BMPR1B: variants seen among roughly 807,000 people sequenced by gnomAD.
BMPR1B encodes the protein bone morphogenetic protein receptor type 1B.
A neutral mutation model predicts 59.1 loss-of-function variants in BMPR1B; 12 were observed. The ratio of observed to expected loss-of-function variants is 0.20; its 90% CI spans 0.13 to 0.33. The LOEUF (loss-of-function observed/expected upper bound fraction) is 0.33, where lower values mean the gene tolerates loss of function less well. Ranked by LOEUF, BMPR1B falls within the 10% of genes least tolerant of loss-of-function variation. The pLI, the probability that BMPR1B is intolerant of heterozygous loss-of-function variation, is 1.00. For synonymous variants in BMPR1B, 237 were observed against 207.3 expected (o/e 1.14, Z -1.23); for missense variants, 550 against 610.9 (o/e 0.90, Z 1.05).
At chr4:95,138,604 T>C (rs1187620248) in intron 10 of BMPR1B, among the ~76,000 whole-genome samples, 2 of 152,306 alleles carry the variant, frequency 1.3e-5, no homozygotes, top group East Asian at 3.9e-4. Flanking sequence ...GTTTGTTCAT[T>C]ACTTTTTACT....
At chr4:94,888,324 T>C (rs1375113448) in intron 2 of BMPR1B, among the ~76,000 whole-genome samples, 1 of 151,814 alleles carries the variant, frequency 6.6e-6, no homozygotes, top group East Asian at 1.9e-4. Context: ...TAAATATGCA[T>C]TATAAGACTA....
chr4:95,107,454 GAAGA>G (rs1374351751), intron 4 of BMPR1B, among the ~76,000 whole-genome samples: 4 of 151,868 alleles, frequency 2.6e-5, no homozygotes, highest in Non-Finnish European at 5.9e-5. Context: ...CAAAAATACA[GAAGA>G]AAGAAAAACA....
chr4:94,883,649 G>A (rs902838644), intron 2 of BMPR1B, among the ~76,000 whole-genome samples: 6 of 151,880 alleles, frequency 4.0e-5, no homozygotes, highest in African/African-American at 1.5e-4. Context: ...AATATATTCT[G>A]TAATACATAT....
At chr4:95,113,228 C>A (rs557985822) in intron 4 of BMPR1B, among the ~76,000 whole-genome samples, 1 of 152,134 alleles carries the variant, frequency 6.6e-6, no homozygotes, top group Non-Finnish European at 1.5e-5. Flanking sequence ...ATGGGCTGTT[C>A]AGAGACAGTC....
At position 95,088,829 on chromosome 4, in the gene BMPR1B, A is replaced by G. The variant is rs529636212; in HGVS notation, c.-17-15579A>G. 1.8e-3 allele frequency among the ~76,000 whole-genome samples: 272 copies of G among 152,300 alleles called. 1 individual carries two copies. The highest frequency in any genetic ancestry group is 6.4e-3 in the African/African-American group (265 of 41,574). On this transcript the variant is annotated intron_variant, in intron 3 of 12. Coordinates refer to ENST00000515059, the MANE Select transcript of BMPR1B (RefSeq NM_001203.3). ...GCTATGAGACTCCTAGTGAAGATCA[A>G]CAGACTTGACCATGAGAGTTAAAAC...
intron 2 of BMPR1B, among the ~76,000 whole-genome samples, chr4:94,943,348 A>G (rs775323368): frequency 3.3e-5 from 5 of 152,110 alleles, no homozygotes; most frequent in Non-Finnish European, 7.4e-5. Flanking sequence ...CATATTGGTC[A>G]GGCTGGTCTC....
chr4:95,085,307 A>C lies in BMPR1B; in HGVS notation c.-17-19101A>C, dbSNP rs770907759. Reference sequence around the variant, plus strand: ...TGGCAGGTCGCTCCCCTGAGACAGCAAGCAAGGATGAAAGACAGTTCGCAA... The same window carrying C: ...TGGCAGGTCGCTCCCCTGAGACAGCCAGCAAGGATGAAAGACAGTTCGCAA... On this transcript the variant is annotated intron_variant, in intron 3 of 12. Coordinates refer to ENST00000515059, the MANE Select transcript of BMPR1B (RefSeq NM_001203.3). Among the ~76,000 whole-genome samples, 3 of 152,124 alleles carry C rather than the reference A, an allele frequency of 2.0e-5. No individual in the cohort carries two copies. In the South Asian group the frequency reaches 6.2e-4, roughly 32 times the overall value.
intron 3 of BMPR1B, among the ~76,000 whole-genome samples, chr4:95,083,756 AC>A (rs1358689757): frequency 6.6e-6 from 1 of 152,096 alleles, no homozygotes; most frequent in Non-Finnish European, 1.5e-5. Context: ...CCACTCTATA[AC>A]CACTCCATAA....
chr4:94,897,235 C>T (rs1308986514), intron 2 of BMPR1B, among the ~76,000 whole-genome samples: 1 of 152,036 alleles, frequency 6.6e-6, no homozygotes. Context: ...CCAGCTCTTC[C>T]TGCTTATATA....
At chr4:94,781,860 G>A (rs1422781863) in intron 1 of BMPR1B, among the ~76,000 whole-genome samples, 2 of 151,878 alleles carry the variant, frequency 1.3e-5, no homozygotes, top group South Asian at 2.1e-4. Context: ...CTGTGTTACC[G>A]GTTAACCTCA....
chr4:94,907,183 C>T (rs527473702), intron 2 of BMPR1B, among the ~76,000 whole-genome samples: 7 of 152,144 alleles, frequency 4.6e-5, no homozygotes, highest in African/African-American at 1.7e-4. Flanking sequence ...ATAAGTGCAT[C>T]GTGGAAAAGC....
At chr4:95,106,229 G>A (rs966510941) in intron 4 of BMPR1B, among the ~76,000 whole-genome samples, 2 of 151,990 alleles carry the variant, frequency 1.3e-5, no homozygotes, top group East Asian at 1.9e-4. Flanking sequence ...TATTAAGAAC[G>A]TGATCTTATT....
chr4:95,048,535 G>T (rs1331605318), intron 3 of BMPR1B, among the ~76,000 whole-genome samples: 1 of 152,038 alleles, frequency 6.6e-6, no homozygotes, highest in Admixed American at 6.5e-5. Flanking sequence ...GTTTTGATTT[G>T]CATTTCTCTG....
At chr4:94,839,937 C>T (rs1334345290) in intron 1 of BMPR1B, among the ~76,000 whole-genome samples, 1 of 151,758 alleles carries the variant, frequency 6.6e-6, no homozygotes, top group African/African-American at 2.4e-5. Flanking sequence ...CCTTCAGGAG[C>T]TCTTTTAGGG....
intron 2 of BMPR1B, among the ~76,000 whole-genome samples, chr4:94,883,885 G>C (rs1285009001): frequency 6.6e-6 from 1 of 151,996 alleles, no homozygotes; most frequent in East Asian, 1.9e-4. Flanking sequence ...AGAGTATTTG[G>C]CACTTAGTAA....
intron 3 of BMPR1B, among the ~76,000 whole-genome samples, chr4:95,084,926 T>C (rs1271463774): frequency 6.6e-6 from 1 of 152,186 alleles, no homozygotes; most frequent in African/African-American, 2.4e-5. Flanking sequence ...CTAGAAATCA[T>C]GATTCCTACA....
intron 2 of BMPR1B, among the ~76,000 whole-genome samples, chr4:94,908,098 CAAAA>C (rs1272787829): frequency 1.1e-5 from 1 of 87,796 alleles, no homozygotes; most frequent in Non-Finnish European, 2.3e-5. Flanking sequence ...AAAGAAAAAA[CAAAA>C]AAAAGTAAAG....
At chr4:95,145,597 A>G (rs554145999) in intron 10 of BMPR1B, among the ~76,000 whole-genome samples, 12 of 152,336 alleles carry the variant, frequency 7.9e-5, no homozygotes, top group South Asian at 4.1e-4. Context: ...GATTAACACA[A>G]GCTTGATTTT....
Position 95,050,808 on chromosome 4 carries a change from T to A in BMPR1B, c.-17-53600T>A, listed in dbSNP as rs561208519. Among the ~76,000 whole-genome samples, 93 of 152,328 alleles carry A rather than the reference T, an allele frequency of 6.1e-4. 4 individuals are homozygous for A. The South Asian group carries it at 0.018, about 29-fold the overall frequency. ...TTTCTACATATACTGACAATTCATT[T>A]ATCTTTCTTGGTGTTCTTTTATTAT... is the stretch of plus-strand genomic sequence containing the variant. On this transcript the variant is annotated intron_variant, in intron 3 of 12. Transcript: ENST00000515059.
Sources: allele counts gnomAD v4.1 joint callset (sites outside exome capture counted in the v4.1 genomes callset), GRCh38; gene constraint gnomAD v4.1.1; transcripts MANE v1.5; gene names NCBI Gene and HGNC (gene_info 2026-07-23, HGNC 2026-07-21).